The following COPS8 variants were observed in gnomAD, a reference collection of about 807,000 sequenced individuals.
The protein encoded by COPS8 is COP9 signalosome complex subunit 8.
Under a neutral mutation model 31.5 loss-of-function variants are expected in COPS8, and 11 were observed. That is an observed-to-expected ratio of 0.35 (90% CI 0.22 to 0.58). The LOEUF (loss-of-function observed/expected upper bound fraction) is 0.58, where lower values mean the gene tolerates loss of function less well. COPS8 is among the 20% of genes least tolerant of loss of function. COPS8 has a pLI of 0.83. For synonymous variants in COPS8, 81 were observed against 89.3 expected (o/e 0.91, Z 0.52); for missense variants, 215 against 255.1 (o/e 0.84, Z 1.07).
chr2:237,086,969 A>G (rs919833147), intron 1 of COPS8, among the ~76,000 whole-genome samples, 158 bp from the exon 2 acceptor site: 2 of 152,248 alleles, frequency 1.3e-5, no homozygotes, highest in Non-Finnish European at 2.9e-5. Context: ...TTCTAAATCT[A>G]TAATAGGACT....
chr2:237,097,674 G>T lies in COPS8; in HGVS notation c.562G>T (p.Val188Phe), dbSNP rs750154058. The T allele has an allele frequency of 6.2e-7, 1 of 1,612,992 alleles. No individual in the cohort carries two copies. The highest frequency in any genetic ancestry group is 8.5e-7 in the Non-Finnish European group (1 of 1,179,190). ...KFIPLSEPAP[V>F]PPIPNEQQLA... is the part of the protein sequence containing the mutation. The stretch of plus-strand genomic sequence containing the variant: ...TCTTTAACATACAGAGCCTGCTCCA[G>T]TTCCCCCAATACCCAATGAACAGCA... Residue 188 changes from valine (V) to phenylalanine (F), a missense_variant, in exon 8 of 8, where the codon GTT becomes TTT. Val to Phe is a conservative substitution (Grantham distance 50). Transcript: ENST00000354371.
chr2:237,097,677 C>T lies in COPS8; in HGVS notation c.565C>T (p.Pro189Ser), dbSNP rs1696829844. 6.2e-7 allele frequency: 1 copy of T among 1,612,384 alleles called. No individual in the cohort carries two copies. The highest frequency in any genetic ancestry group is 1.1e-5 in the South Asian group (1 of 91,008). The change falls in exon 8 of 8, where the codon CCC becomes TCC. Residue 189 changes from proline (P) to serine (S), a missense_variant. Transcript: ENST00000354371. ...TTAACATACAGAGCCTGCTCCAGTT[C>T]CCCCAATACCCAATGAACAGCAGTT... ...FIPLSEPAPVPPIPNEQQLAR... is the reference protein window; with the variant it reads ...FIPLSEPAPVSPIPNEQQLAR...
chr2:237,088,437 G>A lies in COPS8; in HGVS notation c.150-168G>A, dbSNP rs74588684. On this transcript the variant is annotated intron_variant, in intron 2 of 7. Transcript: ENST00000354371. Reference sequence around the variant, plus strand: ...AAATATTTCATGTCCTTTTTATCTGGAAAACCACTATTGTTTCCCCAAAAC... The same window carrying A: ...AAATATTTCATGTCCTTTTTATCTGAAAAACCACTATTGTTTCCCCAAAAC... Among the ~76,000 whole-genome samples the A allele has an allele frequency of 1.0e-2, 1,520 of 152,178 alleles. 27 individuals are homozygous for A. The highest frequency in any genetic ancestry group is 0.035 in the African/African-American group (1,447 of 41,502).
At chr2:237,090,551 T>C (rs1273735617) in intron 4 of COPS8, among the ~76,000 whole-genome samples, 1 of 152,248 alleles carries the variant, frequency 6.6e-6, no homozygotes, top group Non-Finnish European at 1.5e-5. Flanking sequence ...GTTCACTCTT[T>C]ATAAAATTAT....
intron 4 of COPS8, among the ~76,000 whole-genome samples, chr2:237,093,335 A>G (rs1696740600): frequency 6.6e-6 from 1 of 152,192 alleles, no homozygotes; most frequent in Non-Finnish European, 1.5e-5. Flanking sequence ...ATGGAAAGTA[A>G]AATCCAGAAT....
chr2:237,089,423 G>A (rs1045218660), intron 3 of COPS8, among the ~76,000 whole-genome samples: 1 of 152,108 alleles, frequency 6.6e-6, no homozygotes, highest in Non-Finnish European at 1.5e-5. Flanking sequence ...TCAATCCTTA[G>A]AGAGGCTACA....
At chr2:237,086,229 C>T (rs1696609239) in intron 1 of COPS8, among the ~76,000 whole-genome samples, 187 bp downstream of exon 1, 1 of 152,148 alleles carries the variant, frequency 6.6e-6, no homozygotes, top group Non-Finnish European at 1.5e-5. Context: ...TCCCCGAACT[C>T]GCCGGGACCT....
chr2:237,086,754 A>G, intron 1 of COPS8: 1 of 982,834 alleles, frequency 1.0e-6, no homozygotes, highest in Non-Finnish European at 1.2e-6. Context: ...AATGGGCAGA[A>G]TCAGAATGCT....
intron 2 of COPS8, among the ~76,000 whole-genome samples, chr2:237,088,283 T>C (rs1386261855): frequency 6.6e-6 from 1 of 152,220 alleles, no homozygotes; most frequent in African/African-American, 2.4e-5. Flanking sequence ...TTGTTTACTT[T>C]TATATCCTAA....
In COPS8 at chr2:237,095,751, C is replaced by G. The variant is rs184251962; in HGVS notation, c.440-71C>G. ...ATCAGGTCTTCTGTACAACTAATGT[C>G]ATGGACAAGTTGTGGATTTTGTGGG... On this transcript the variant is annotated intron_variant, in intron 5 of 7. Coordinates refer to ENST00000354371, the MANE Select transcript of COPS8 (RefSeq NM_006710.5). The G allele has an allele frequency of 3.8e-4, 382 of 1,010,768 alleles. 1 individual carries two copies. The African/African-American group carries it at 5.4e-3, about 14-fold the overall frequency. The allele number at this position is 1,010,768 out of a possible 1,614,324, so 62.6% of individuals were successfully genotyped here. A position where few individuals can be genotyped will look rare whatever the true frequency, so the allele number is the denominator to read the frequency against.
chr2:237,093,933 C>G, intron 4 of COPS8, 157 bp from the exon 5 acceptor site: 1 of 1,352,694 alleles, frequency 7.4e-7, no homozygotes, highest in Admixed American at 3.4e-5. Context: ...CCCGTACATA[C>G]TGGGCATATG....
intron 1 of COPS8, 181 bp from the exon 2 acceptor site, chr2:237,086,945 CT>C (rs2106343549): frequency 2.1e-6 from 1 of 468,994 alleles, no homozygotes; most frequent in South Asian, 6.0e-5. Flanking sequence ...GTGTTTGATA[CT>C]TCTCTAAGCT....
intron 3 of COPS8, among the ~76,000 whole-genome samples, chr2:237,089,355 G>T (rs1389278930): frequency 1.3e-5 from 2 of 151,746 alleles, no homozygotes; most frequent in Non-Finnish European, 2.9e-5. Flanking sequence ...AGCTTCTTTG[G>T]CTAAATAAAG....
At chr2:237,092,739 G>A (rs1230994723) in intron 4 of COPS8, among the ~76,000 whole-genome samples, 1 of 152,204 alleles carries the variant, frequency 6.6e-6, no homozygotes, top group Non-Finnish European at 1.5e-5. Flanking sequence ...GCAGACAGTG[G>A]CTGAGTGAAA....
In COPS8 at chr2:237,095,866, G is replaced by A. The variant is rs926332839; in HGVS notation, c.484G>A (p.Val162Ile). The A allele has an allele frequency of 6.2e-6, 10 of 1,613,196 alleles. No homozygotes were observed. The highest frequency in any genetic ancestry group is 3.3e-5 in the Admixed American group (2 of 59,988). ...GWQADSTTRM[V>I]LPRKPVAGAL... ...GCAAGCTGATTCCACCACAAGAATG[G>A]TTCTGCCCAGAAAGCCAGGTAGGTG... Residue 162 changes from valine to isoleucine, a missense_variant, in exon 6 of 8, where the codon GTT becomes ATT. Coordinates refer to ENST00000354371, the MANE Select transcript of COPS8 (RefSeq NM_006710.5).
At chr2:237,088,454 C>A in intron 2 of COPS8, 151 bp from the exon 3 acceptor site, 1 of 456,162 alleles carries the variant, frequency 2.2e-6, no homozygotes, top group Non-Finnish European at 3.9e-6. Context: ...ACTATTGTTT[C>A]CCCAAAACAA....
chr2:237,086,003 C>G lies in COPS8; in HGVS notation c.39C>G (p.Phe13Leu). 1 of 1,613,648 alleles carries G rather than the reference C, an allele frequency of 6.2e-7. No homozygotes were observed. ...TGATGGCGGAAAGCGCCTTTAGTTT[C>G]AAAAAGTTGCTGGATCAGTGCGAGA... is the stretch of plus-strand genomic sequence containing the variant. ...VAVMAESAFS[F>L]KKLLDQCENQ... Residue 13 changes from phenylalanine to leucine, a missense_variant, in exon 1 of 8, where the codon TTC becomes TTG. By Grantham distance (22) the Phe-to-Leu change is conservative. Coordinates refer to ENST00000354371, the MANE Select transcript of COPS8 (RefSeq NM_006710.5).
In COPS8 at chr2:237,085,941, G is replaced by T. The variant is rs376455779; in HGVS notation, c.-24G>T. The T allele has an allele frequency of 1.9e-6, 3 of 1,608,460 alleles. No homozygotes were observed. Among genetic ancestry groups the T allele is most frequent in the Non-Finnish European group, 2.5e-6 (3 of 1,176,984 alleles). On this transcript the variant is annotated 5_prime_UTR_variant, in exon 1 of 8. Transcript: ENST00000354371. ...TCTGGGGTTTGGCTGTCCGGACGGT[G>T]CAGCGGCGAGGCCGGCCGCGAAGAT... is the stretch of plus-strand genomic sequence containing the variant.
chr2:237,085,955 G>T lies in COPS8; in HGVS notation c.-10G>T, dbSNP rs1330582788. On this transcript the variant is annotated 5_prime_UTR_variant, in exon 1 of 8. Coordinates refer to ENST00000354371, the MANE Select transcript of COPS8 (RefSeq NM_006710.5). ...GTCCGGACGGTGCAGCGGCGAGGCC[G>T]GCCGCGAAGATGCCAGTGGCGGTGA... The T allele has an allele frequency of 2.2e-5, 36 of 1,612,000 alleles. No individual in the cohort carries two copies. The highest frequency in any genetic ancestry group is 3.1e-5 in the Non-Finnish European group (36 of 1,178,990).
Sources: gnomAD v4.1 joint callset for allele counts (sites outside exome capture counted in the v4.1 genomes callset) on GRCh38, gnomAD v4.1.1 for gene constraint, MANE v1.5 for transcripts, NCBI Gene and HGNC (gene_info 2026-07-23, HGNC 2026-07-21) for gene names.